The following MTMR3 variants were observed in gnomAD, a reference collection of about 807,000 sequenced individuals.
MTMR3 encodes the protein myotubularin related protein 3, also known as phosphatidylinositol-3,5-bisphosphate 3-phosphatase MTMR3.
A neutral mutation model predicts 132.4 loss-of-function variants in MTMR3; 32 were observed. The ratio of observed to expected loss-of-function variants is 0.24; its 90% CI spans 0.18 to 0.32. The LOEUF (loss-of-function observed/expected upper bound fraction) is 0.32. MTMR3 is among the 10% of genes least tolerant of loss of function. The pLI is 1.00. For synonymous variants in MTMR3, 556 were observed against 550.3 expected (o/e 1.01, Z -0.14); for missense variants, 1,216 against 1,489.6 (o/e 0.82, Z 3.02).
At position 30,019,489 on chromosome 22, in the gene MTMR3, G is replaced by C; in HGVS notation, c.1830G>C (p.Lys610Asn). The change falls in exon 17 of 20, where the codon AAG becomes AAC. Residue 610 changes from lysine to asparagine, a missense_variant. Coordinates refer to ENST00000401950, the MANE Select transcript of MTMR3 (RefSeq NM_021090.4). ...AATTCCTTTCCTTTAGGCTACCAAA[G>C]ACTAGATCATACGACAATCTGACCA... ...PDDPPLSRLP[K>N]TRSYDNLTTA... 1 of 1,603,122 alleles carries C rather than the reference G, an allele frequency of 6.2e-7. No homozygotes were observed. Among genetic ancestry groups the C allele is most frequent in the Non-Finnish European group, 8.5e-7 (1 of 1,178,176 alleles).
rs909278696 is a variant in MTMR3 at position 30,025,655 on chromosome 22, AGTT to A, written c.3457_3459del (p.Cys1153del). The A allele has an allele frequency of 2.0e-5, 32 of 1,614,092 alleles. No homozygotes were observed. Among genetic ancestry groups the A allele is most frequent in the Non-Finnish European group, 2.4e-5 (28 of 1,180,044 alleles). On this transcript the variant is annotated inframe_deletion, in exon 20 of 20. Coordinates refer to ENST00000401950, the MANE Select transcript of MTMR3 (RefSeq NM_021090.4). ...GAATTGTGGGAACGTATTCTGCTCC[AGTT>A]GTTGTAACCAGAAGGTTCCAGTTCC...
At chr22:29,975,475 A>T in intron 3 of MTMR3, among the ~76,000 whole-genome samples, 1 of 152,234 alleles carries the variant, frequency 6.6e-6, no homozygotes, top group Middle Eastern at 3.2e-3. Context: ...TCTTTGAAAT[A>T]TATAAAGAAA....
intron 19 of MTMR3, chr22:30,023,378 T>G: frequency 7.0e-7 from 1 of 1,428,628 alleles, no homozygotes; most frequent in Non-Finnish European, 9.9e-7. Context: ...TTCTAGGACA[T>G]GTATCTCCCC....
At chr22:29,971,186 T>G (rs1176221508) in intron 3 of MTMR3, 124 bp downstream of exon 3, 2 of 959,410 alleles carry the variant, frequency 2.1e-6, no homozygotes, top group Non-Finnish European at 3.0e-6. Context: ...TCTTTTTCTT[T>G]CCCAGATCTC....
chr22:30,016,623 A>AT lies in MTMR3; in HGVS notation c.1600dup (p.Cys534LeufsTer35). On this transcript the variant is annotated frameshift_variant, in exon 15 of 20. Coordinates refer to ENST00000401950, the MANE Select transcript of MTMR3 (RefSeq NM_021090.4). LOFTEE classifies it high-confidence loss of function. ...GGGAAAAGCATACTCAGGAACGGAC[A>AT]TGTTCCGTGTGGTCACTTCTTCGGG... 1 of 1,614,218 alleles carries AT rather than the reference A, an allele frequency of 6.2e-7. No individual in the cohort carries two copies.
At chr22:29,927,939 G>GGTTT (rs1555898549) in intron 1 of MTMR3, among the ~76,000 whole-genome samples, 1 of 107,374 alleles carries the variant, frequency 9.3e-6, no homozygotes, top group Non-Finnish European at 1.8e-5. Context: ...TCTAGCCTTT[G>GGTTT]TTTTTTTTTT....
intron 14 of MTMR3, chr22:30,014,329 C>G (rs1051284430): frequency 6.6e-6 from 1 of 152,226 alleles, no homozygotes; most frequent in Admixed American, 6.5e-5. Context: ...TCTCTTTGAT[C>G]CATCATTACC....
chr22:30,018,060 C>T lies in MTMR3; in HGVS notation c.1808C>T (p.Pro603Leu), dbSNP rs375260806. The T allele has an allele frequency of 6.8e-6, 11 of 1,607,598 alleles. No individual in the cohort carries two copies. The highest frequency in any genetic ancestry group is 6.7e-5 in the African/African-American group (5 of 74,580). ...GCCCCAGGCACCAGCCCTGATGATC[C>T]CCCCCTGAGCCGGTGAGCCCAGGGT... ...YPAPGTSPDD[P>L]PLSRLPKTRS... Residue 603 changes from proline to leucine, a missense_variant, in exon 16 of 20, where the codon CCC becomes CTC. Coordinates refer to ENST00000401950, the MANE Select transcript of MTMR3 (RefSeq NM_021090.4).
rs990638109 is a variant in MTMR3 at position 30,030,463 on chromosome 22, T to G, written c.*4662T>G. On this transcript the variant is annotated 3_prime_UTR_variant, in exon 20 of 20. Coordinates refer to ENST00000401950, the MANE Select transcript of MTMR3 (RefSeq NM_021090.4). ...TAACAGCATTGGTTCTGCTGTAGCC[T>G]CGGTGACCATTTAAGTTGAATAAAT... 6.6e-6 allele frequency: 1 copy of G among 152,286 alleles called. No homozygotes were observed. The highest frequency in any genetic ancestry group is 2.4e-5 in the African/African-American group (1 of 41,416). 9.4% of individuals were successfully genotyped at this position (152,286 alleles called of 1,614,324 possible). A position where few individuals can be genotyped will look rare whatever the true frequency, so the allele number is the denominator to read the frequency against.
rs1474109849 is a variant in MTMR3, at chr22:29,991,508, C to G, written c.298C>G (p.Gln100Glu). Reference sequence around the variant, plus strand: ...ACTTGTTTGGCTTTACAAAAGGTGTCAGTTTTCAACCTTTGAGCAGTGTCA... The same window carrying G: ...ACTTGTTTGGCTTTACAAAAGGTGTGAGTTTTCAACCTTTGAGCAGTGTCA... Reference protein sequence around the residue: ...TCKDCKVIRCQFSTFEQCQEW... With the variant: ...TCKDCKVIRCEFSTFEQCQEW... The change falls in exon 7 of 20, where the codon CAG becomes GAG. Residue 100 changes from glutamine to glutamate, a missense_variant. This residue lies in a region of MTMR3 where 129 missense variants were observed against 245.7 expected (regional missense o/e 0.53). Transcript: ENST00000401950. 1.1e-5 allele frequency: 17 copies of G among 1,604,094 alleles called. No individual in the cohort carries two copies. Among genetic ancestry groups the G allele is most frequent in the Non-Finnish European group, 1.4e-5 (16 of 1,176,374 alleles).
intron 1 of MTMR3, among the ~76,000 whole-genome samples, chr22:29,923,652 C>T (rs1406988884): frequency 6.6e-6 from 1 of 152,118 alleles, no homozygotes; most frequent in African/African-American, 2.4e-5. Flanking sequence ...ATAAGTCTGG[C>T]AGGGTTTGAT....
At chr22:29,956,869 C>A (rs2066202888) in intron 1 of MTMR3, among the ~76,000 whole-genome samples, 167 bp from the exon 2 acceptor site, 1 of 152,132 alleles carries the variant, frequency 6.6e-6, no homozygotes, top group Non-Finnish European at 1.5e-5. Context: ...CAGTTATAAA[C>A]ATTCTAAAAT....
intron 19 of MTMR3, chr22:30,025,372 C>A (rs1199722174): frequency 1.9e-6 from 1 of 520,134 alleles, no homozygotes; most frequent in Admixed American, 3.2e-5. Flanking sequence ...CTTTTGTATA[C>A]CTGAGCAGCA....
chr22:30,020,704 G>T lies in MTMR3; in HGVS notation c.3045G>T (p.Leu1015=), dbSNP rs754966234. 88 of 1,614,134 alleles carry T rather than the reference G, an allele frequency of 5.5e-5. No individual in the cohort carries two copies. Among genetic ancestry groups the T allele is most frequent in the Non-Finnish European group, 7.2e-5 (85 of 1,180,062 alleles). The change falls in exon 17 of 20, where the codon CTG becomes CTT. Residue 1015 remains leucine, a synonymous_variant. Coordinates refer to ENST00000401950, the MANE Select transcript of MTMR3 (RefSeq NM_021090.4). The part of the protein sequence containing the change: ...SSPDQPSRSH[L]DDDGMSVYTD... ...CCGACCAGCCTTCCCGCAGCCACCT[G>T]GACGATGATGGCATGTCAGTGTACA...
At chr22:30,014,841 T>C in intron 14 of MTMR3, 1 of 152,318 alleles carries the variant, frequency 6.6e-6, no homozygotes, top group Non-Finnish European at 1.5e-5. Flanking sequence ...GAATGCCCCC[T>C]TGCTCAGCCT....
intron 1 of MTMR3, among the ~76,000 whole-genome samples, chr22:29,932,462 T>C (rs1311426742): frequency 2.0e-5 from 3 of 152,332 alleles, no homozygotes; most frequent in Non-Finnish European, 1.5e-5. Flanking sequence ...TTGGTATAAC[T>C]AACTTATTAG....
At chr22:29,959,442 G>A (rs1393368421) in intron 2 of MTMR3, among the ~76,000 whole-genome samples, 4 of 151,968 alleles carry the variant, frequency 2.6e-5, no homozygotes, top group African/African-American at 7.3e-5. Flanking sequence ...GTGGTGGCGC[G>A]ACCTCAGCTC....
At chr22:29,931,945 A>G (rs1386607135) in intron 1 of MTMR3, among the ~76,000 whole-genome samples, 4 of 152,194 alleles carry the variant, frequency 2.6e-5, no homozygotes, top group East Asian at 3.9e-4. Flanking sequence ...TTCTTTGCAC[A>G]TGTGCATTGA....
At chr22:29,932,404 C>A (rs2065663959) in intron 1 of MTMR3, among the ~76,000 whole-genome samples, 1 of 152,124 alleles carries the variant, frequency 6.6e-6, no homozygotes, top group Non-Finnish European at 1.5e-5. Flanking sequence ...AGTTAAAGTT[C>A]TTTTCAAAAT....
Sources: allele counts gnomAD v4.1 joint callset (sites outside exome capture counted in the v4.1 genomes callset), GRCh38; gene constraint gnomAD v4.1.1; regional missense constraint gnomAD v4.1.1; transcripts MANE v1.5; gene names NCBI Gene and HGNC (gene_info 2026-07-23, HGNC 2026-07-21).